Variants in VAV2 observed in about 807,000 individuals in gnomAD.
VAV2 encodes the protein vav guanine nucleotide exchange factor 2.
In VAV2, 67 loss-of-function variants were observed where a neutral mutation model predicts 132.5. That is an observed-to-expected ratio of 0.51 (90% CI 0.42 to 0.62). The LOEUF is 0.62. Ranked by LOEUF, VAV2 falls within the 20% of genes least tolerant of loss-of-function variation. VAV2 has a pLI of 0.00. For synonymous variants in VAV2, 492 were observed against 443.5 expected, an observed-to-expected ratio of 1.11 and a Z score of -1.37; for missense variants, 938 against 1,153.6, an observed-to-expected ratio of 0.81 and a Z score of 2.71.
rs1014068142 is a variant in VAV2 at position 133,769,301 on chromosome 9, C to T, written c.2434+116G>A. The T allele has an allele frequency of 4.1e-5, 47 of 1,144,198 alleles. No individual in the cohort carries two copies. The highest frequency in any genetic ancestry group is 1.4e-4 in the African/African-American group (9 of 63,660). The allele number at this position is 1,144,198 out of a possible 1,614,324, so 70.9% of individuals were successfully genotyped here. ...CTCCCCTCCACCCAGTGCCAGACTG[C>T]GGACAACTGTGGCCACGTCAGGCAG... is the stretch of plus-strand genomic sequence containing the variant. On this transcript the variant is annotated intron_variant, in intron 28 of 29. Transcript: ENST00000371850. This position sits in a 1 kb window ranked among gnomAD's most constrained non-coding sequence, Gnocchi z 8.1.
intron 4 of VAV2, among the ~76,000 whole-genome samples, chr9:133,815,577 C>T (rs1193237723): frequency 6.6e-6 from 1 of 152,152 alleles, no homozygotes; most frequent in African/African-American, 2.4e-5. Context: ...GGCTTCTTCC[C>T]CTCAACATTG....
rs1588144512 is a variant in VAV2 at position 133,762,175 on chromosome 9, C to T, written c.*1887G>A. ...GCCTTAGTGCAGTGCAAAAACCAAA[C>T]CAAACACAAATCTCAAAACAAAGAA... On this transcript the variant is annotated 3_prime_UTR_variant, in exon 30 of 30. Coordinates refer to ENST00000371850, the MANE Select transcript of VAV2 (RefSeq NM_001134398.2). This position sits in a 1 kb window ranked among gnomAD's most constrained non-coding sequence, Gnocchi z 5.0. 1.3e-5 allele frequency: 2 copies of T among 152,578 alleles called. No individual in the cohort carries two copies. The highest frequency in any genetic ancestry group is 4.8e-5 in the African/African-American group (2 of 41,450). 9.5% of individuals were successfully genotyped at this position (152,578 alleles called of 1,614,324 possible).
rs183976814 is a variant in VAV2, at chr9:133,854,557, G to C, written c.380+6817C>G. Among the ~76,000 whole-genome samples, 330 of 152,352 alleles carry C rather than the reference G, an allele frequency of 2.2e-3. 2 individuals are homozygous for C. Among genetic ancestry groups the C allele is most frequent in the African/African-American group, 7.6e-3 (316 of 41,592 alleles). Reference sequence around the variant, plus strand: ...CAGGGCAACAGAGGCCTGGGGTGTGGAAGAGGTGCCAGACTGATGGAGCAA... The same window carrying C: ...CAGGGCAACAGAGGCCTGGGGTGTGCAAGAGGTGCCAGACTGATGGAGCAA... On this transcript the variant is annotated intron_variant, in intron 3 of 29. Transcript: ENST00000371850.
rs1833558747 is a variant in VAV2 at position 133,769,888 on chromosome 9, T to A, written c.2348-385A>T. On this transcript the variant is annotated intron_variant, in intron 27 of 29. Coordinates refer to ENST00000371850, the MANE Select transcript of VAV2 (RefSeq NM_001134398.2). This position sits in a 1 kb window ranked among gnomAD's most constrained non-coding sequence, Gnocchi z 8.1. ...CAGGCTGGAGGACGTGGGGTGACTC[T>A]GGAGAGAGTCCTGAGCGGGAAGCCG... is the stretch of plus-strand genomic sequence containing the variant. Among the ~76,000 whole-genome samples the A allele has an allele frequency of 6.6e-6, 1 of 152,180 alleles. No homozygotes were observed. Among genetic ancestry groups the A allele is most frequent in the Admixed American group, 6.5e-5 (1 of 15,286 alleles).
intron 26 of VAV2, among the ~76,000 whole-genome samples, chr9:133,771,707 C>T (rs1042552892): frequency 6.6e-6 from 1 of 152,172 alleles, no homozygotes; most frequent in East Asian, 1.9e-4. Context: ...GCCTGGGCTG[C>T]CCCTACCCCA....
At chr9:133,940,672 C>CGCGTGTGT (rs71503365) in intron 1 of VAV2, among the ~76,000 whole-genome samples, 6 of 139,240 alleles carry the variant, frequency 4.3e-5, no homozygotes, top group African/African-American at 1.0e-4. Context: ...TGTCCACGTG[C>CGCGTGTGT]GTGTGTGTGT....
At position 133,928,137 on chromosome 9, in the gene VAV2, C is replaced by T. The variant is rs555700841; in HGVS notation, c.321+10966G>A. On this transcript the variant is annotated intron_variant, in intron 2 of 29. Coordinates refer to ENST00000371850, the MANE Select transcript of VAV2 (RefSeq NM_001134398.2). The surrounding 1 kb of genome is among the most constrained non-coding windows in gnomAD (Gnocchi z 5.4). ...ACCTCTCCCATCCCCAGTTATAAAA[C>T]GGCGGGTCAGCATCCGATGGGCTTA... Among the ~76,000 whole-genome samples, 65 of 152,120 alleles carry T rather than the reference C, an allele frequency of 4.3e-4. No individual in the cohort carries two copies. Among genetic ancestry groups the T allele is most frequent in the South Asian group, 2.3e-3 (11 of 4,816 alleles).
intron 2 of VAV2, among the ~76,000 whole-genome samples, chr9:133,915,049 A>G (rs1840027817): frequency 6.6e-6 from 1 of 152,120 alleles, no homozygotes; most frequent in Admixed American, 6.5e-5. Context: ...GGGAATCTTG[A>G]AAACACCAAG....
At chr9:133,933,021 ACCGCC>A (rs57981191) in intron 2 of VAV2, among the ~76,000 whole-genome samples, 123,191 of 151,810 alleles carry the variant, frequency 0.81, 51,367 homozygotes, top group East Asian at 0.93. Context: ...GTGGGCGGAG[ACCGCC>A]CTTAAGCAGC....
At chr9:133,878,431 G>C (rs1238666772) in intron 2 of VAV2, among the ~76,000 whole-genome samples, 1 of 152,234 alleles carries the variant, frequency 6.6e-6, no homozygotes, top group East Asian at 1.9e-4. Flanking sequence ...CCAGCCAGGT[G>C]GCCCATGGTG....
intron 2 of VAV2, among the ~76,000 whole-genome samples, chr9:133,907,833 G>C (rs906164128): frequency 3.3e-5 from 5 of 152,152 alleles, no homozygotes; most frequent in Non-Finnish European, 7.4e-5. Flanking sequence ...ACAGTGGGGA[G>C]AGCCGGGGGC....
chr9:133,908,467 C>G (rs1024158478), intron 2 of VAV2, among the ~76,000 whole-genome samples: 7 of 152,096 alleles, frequency 4.6e-5, no homozygotes, highest in Non-Finnish European at 8.8e-5. Context: ...ACCTCTCAGA[C>G]CTTTCCCTGA....
chr9:133,791,962 GC>G (rs1834483017), intron 12 of VAV2, 93 bp from the exon 13 acceptor site: 2 of 282,272 alleles, frequency 7.1e-6, no homozygotes, highest in Non-Finnish European at 1.1e-5. Flanking sequence ...GGGTGTGTGT[GC>G]ATGTGAGCGG....
chr9:133,805,817 C>T (rs1835114196), intron 9 of VAV2, among the ~76,000 whole-genome samples: 1 of 152,244 alleles, frequency 6.6e-6, no homozygotes, highest in Admixed American at 6.5e-5. Context: ...GATGGCCACA[C>T]CTCTCACAGC....
At chr9:133,825,206 C>T (rs12378243) in intron 4 of VAV2, among the ~76,000 whole-genome samples, 18,302 of 109,160 alleles carry the variant, frequency 0.17, 1,442 homozygotes, top group Non-Finnish European at 0.23. Context: ...GGTGGGGGGG[C>T]GGGGGACAAA....
chr9:133,832,710 C>T (rs781632543), intron 4 of VAV2, among the ~76,000 whole-genome samples: 1 of 152,164 alleles, frequency 6.6e-6, no homozygotes, highest in Non-Finnish European at 1.5e-5. Flanking sequence ...AGGTGCCCAC[C>T]ATTACATCTG....
intron 4 of VAV2, among the ~76,000 whole-genome samples, chr9:133,832,476 T>TC (rs1265851229): frequency 1.3e-5 from 2 of 151,804 alleles, no homozygotes; most frequent in Non-Finnish European, 2.9e-5. Flanking sequence ...CTCAGTTTCC[T>TC]CCCCCCTTAC....
At chr9:133,874,909 A>C (rs1418313932) in intron 2 of VAV2, among the ~76,000 whole-genome samples, 2 of 152,320 alleles carry the variant, frequency 1.3e-5, no homozygotes, top group East Asian at 1.9e-4. Flanking sequence ...CCGAGCTGCA[A>C]GAGGCCTTGG....
intron 3 of VAV2, among the ~76,000 whole-genome samples, chr9:133,858,692 C>A (rs928333320): frequency 6.6e-6 from 1 of 152,156 alleles, no homozygotes; most frequent in Admixed American, 6.5e-5. Context: ...CCGAGACGCC[C>A]CCAGTGTTTA....
Sources: allele counts gnomAD v4.1 joint callset (sites outside exome capture counted in the v4.1 genomes callset), GRCh38; gene constraint gnomAD v4.1.1; non-coding constraint Gnocchi (gnomAD v3.1); transcripts MANE v1.5; gene names NCBI Gene and HGNC (gene_info 2026-07-23, HGNC 2026-07-21).